PCDHB5: variants seen among roughly 807,000 people sequenced by gnomAD.
PCDHB5 encodes the protein protocadherin beta 5, also known as protocadherin beta-5.
For synonymous variants in PCDHB5, 569 were observed against 462.2 expected (o/e 1.23, Z -2.96); for missense variants, 1,125 against 1,029.4 (o/e 1.09, Z -1.27).
chr5:141,136,809 G>C lies in PCDHB5; in HGVS notation c.1375G>C (p.Val459Leu), dbSNP rs781824741. Reference sequence around the variant, plus strand: ...CACCCAAACCTCCTACACCCTGTTCGTCCGAGAGAACAACAGCCCCGCCCT... The same window carrying C: ...CACCCAAACCTCCTACACCCTGTTCCTCCGAGAGAACAACAGCCCCGCCCT... ...AFTQTSYTLF[V>L]RENNSPALHI... Residue 459 changes from valine to leucine, a missense_variant, in exon 1 of 1, where the codon GTC becomes CTC. Coordinates refer to ENST00000231134, the MANE Select transcript of PCDHB5 (RefSeq NM_015669.5). 2.9e-5 allele frequency: 47 copies of C among 1,613,520 alleles called. No individual in the cohort carries two copies. The highest frequency in any genetic ancestry group is 3.6e-5 in the Non-Finnish European group (43 of 1,180,030).
In PCDHB5 at chr5:141,137,854, T is replaced by C. The variant is rs782125654; in HGVS notation, c.*32T>C. ...CGTGATGACGCGTTGTTTTCTGCCA[T>C]TTATCCCAAACTTTTTCAGATCTAG... On this transcript the variant is annotated 3_prime_UTR_variant, in exon 1 of 1. Coordinates refer to ENST00000231134, the MANE Select transcript of PCDHB5 (RefSeq NM_015669.5). 2 of 1,526,702 alleles carry C rather than the reference T, an allele frequency of 1.3e-6. No homozygotes were observed. The highest frequency in any genetic ancestry group is 4.2e-5 in the Admixed American group (2 of 47,476). The allele number at this position is 1,526,702 out of a possible 1,614,324, so 94.6% of individuals were successfully genotyped here. A position where few individuals can be genotyped will look rare whatever the true frequency, so the allele number is the denominator to read the frequency against.
In PCDHB5 at chr5:141,136,253, A is replaced by C; in HGVS notation, c.819A>C (p.Ala273=). ...VVSARDLDAG[A]YGSVAYALFQ... Reference sequence around the variant, plus strand: ...CCGCTCGAGATTTAGATGCAGGAGCATATGGGAGTGTAGCCTATGCTCTAT... The same window carrying C: ...CCGCTCGAGATTTAGATGCAGGAGCCTATGGGAGTGTAGCCTATGCTCTAT... The change falls in exon 1 of 1, where the codon GCA becomes GCC. Residue 273 remains alanine (A), a synonymous_variant. Coordinates refer to ENST00000231134, the MANE Select transcript of PCDHB5 (RefSeq NM_015669.5). 1 of 1,614,216 alleles carries C rather than the reference A, an allele frequency of 6.2e-7. No homozygotes were observed. Among genetic ancestry groups the C allele is most frequent in the Non-Finnish European group, 8.5e-7 (1 of 1,180,014 alleles).
chr5:141,136,224 G>A lies in PCDHB5; in HGVS notation c.790G>A (p.Val264Ile). 2.5e-6 allele frequency: 4 copies of A among 1,614,100 alleles called. No homozygotes were observed. Among genetic ancestry groups the A allele is most frequent in the Non-Finnish European group, 3.4e-6 (4 of 1,179,984 alleles). The change falls in exon 1 of 1, where the codon GTC becomes ATC. Residue 264 changes from valine (V) to isoleucine (I), a missense_variant. Coordinates refer to ENST00000231134, the MANE Select transcript of PCDHB5 (RefSeq NM_015669.5). ...NSPLNSLVVVVSARDLDAGAY... is the reference protein window; with the variant it reads ...NSPLNSLVVVISARDLDAGAY... ...CCCCCTTAACTCCTTAGTTGTCGTTGTCTCCGCTCGAGATTTAGATGCAGG... is the reference window on the plus strand; with the variant it reads ...CCCCCTTAACTCCTTAGTTGTCGTTATCTCCGCTCGAGATTTAGATGCAGG...
At position 141,137,543 on chromosome 5, in the gene PCDHB5, G is replaced by A. The variant is rs1326631392; in HGVS notation, c.2109G>A (p.Ser703=). Residue 703 remains serine, a synonymous_variant, in exon 1 of 1, where the codon TCG becomes TCA. Coordinates refer to ENST00000231134, the MANE Select transcript of PCDHB5 (RefSeq NM_015669.5). ...LASVSSLFLF[S]VLLFVAVRLC... ...CGGTGTCGTCGCTCTTCCTCTTTTC[G>A]GTGCTCCTGTTCGTGGCAGTGCGGC... The A allele has an allele frequency of 1.9e-6, 3 of 1,612,360 alleles. No homozygotes were observed. The highest frequency in any genetic ancestry group is 2.7e-5 in the African/African-American group (2 of 74,898).
rs1554275727 is a variant in PCDHB5 at position 141,135,692 on chromosome 5, A to G, written c.258A>G (p.Leu86=). The G allele has an allele frequency of 6.2e-7, 1 of 1,614,036 alleles. No homozygotes were observed. Among genetic ancestry groups the G allele is most frequent in the East Asian group, 2.2e-5 (1 of 44,882 alleles). The stretch of plus-strand genomic sequence containing the variant: ...ATATAAAGACCGGCAATTTGCTTCT[A>G]TATGAAAAACTAGACCGGGAGGTGA... The part of the protein sequence containing the change: ...QLDIKTGNLL[L]YEKLDREVMC... Residue 86 remains leucine, a synonymous_variant, in exon 1 of 1, where the codon CTA becomes CTG. Coordinates refer to ENST00000231134, the MANE Select transcript of PCDHB5 (RefSeq NM_015669.5).
rs1029353919 is a variant in PCDHB5, at chr5:141,135,280, C to A, written c.-155C>A. The A allele has an allele frequency of 6.8e-6, 4 of 586,232 alleles. No individual in the cohort carries two copies. Among genetic ancestry groups the A allele is most frequent in the Non-Finnish European group, 1.2e-5 (4 of 336,748 alleles). 36.3% of individuals were successfully genotyped at this position (586,232 alleles called of 1,614,324 possible). A position where few individuals can be genotyped will look rare whatever the true frequency, so the allele number is the denominator to read the frequency against. The stretch of plus-strand genomic sequence containing the variant: ...GGGAATCCAAACTCTAAAAGAAGGA[C>A]GCATTTTAGGTAAGATCTAGTGGCT... On this transcript the variant is annotated 5_prime_UTR_variant, in exon 1 of 1. Transcript: ENST00000231134.
chr5:141,137,619 G>A lies in PCDHB5; in HGVS notation c.2185G>A (p.Gly729Ser), dbSNP rs1752627334. ...GGTCGGTCGCTGCTCGGTGCCCGAG[G>A]GCCCCTTTCCAGGGCATCTGGTGGA... is the stretch of plus-strand genomic sequence containing the variant. ...APVGRCSVPE[G>S]PFPGHLVDVS... Residue 729 changes from glycine to serine, a missense_variant, in exon 1 of 1, where the codon GGC becomes AGC. By Grantham distance (56) the Gly-to-Ser change is moderately conservative (BLOSUM62 0). Coordinates refer to ENST00000231134, the MANE Select transcript of PCDHB5 (RefSeq NM_015669.5). 5 of 1,613,744 alleles carry A rather than the reference G, an allele frequency of 3.1e-6. No homozygotes were observed. The highest frequency in any genetic ancestry group is 4.2e-6 in the Non-Finnish European group (5 of 1,180,034).
Position 141,137,923 on chromosome 5 carries a change from CT to C in PCDHB5, c.*105del. The C allele has an allele frequency of 9.3e-7, 1 of 1,071,270 alleles. No individual in the cohort carries two copies. The highest frequency in any genetic ancestry group is 1.4e-6 in the Non-Finnish European group (1 of 736,796). 66.4% of individuals were successfully genotyped at this position (1,071,270 alleles called of 1,614,324 possible). ...ACAAAAATTTCACCTTGAGATTGAG[CT>C]TTTATTTCCCTTTTTAATGGATTTG... On this transcript the variant is annotated 3_prime_UTR_variant, in exon 1 of 1. Transcript: ENST00000231134.
Position 141,135,632 on chromosome 5 carries a change from G to T in PCDHB5, c.198G>T (p.Met66Ile), listed in dbSNP as rs1752550935. The change falls in exon 1 of 1, where the codon ATG becomes ATT. Residue 66 changes from methionine (M) to isoleucine (I), a missense_variant. Met to Ile is a conservative substitution (Grantham distance 10). Coordinates refer to ENST00000231134, the MANE Select transcript of PCDHB5 (RefSeq NM_015669.5). ...VGELATRGAR[M>I]HYKGNKELLQ... ...AACTGGCCACTCGGGGCGCGCGAATGCATTACAAAGGAAACAAAGAGCTCT... is the reference window on the plus strand; with the variant it reads ...AACTGGCCACTCGGGGCGCGCGAATTCATTACAAAGGAAACAAAGAGCTCT... 1.9e-6 allele frequency: 3 copies of T among 1,613,998 alleles called. No individual in the cohort carries two copies. The highest frequency in any genetic ancestry group is 1.1e-5 in the South Asian group (1 of 91,060).
chr5:141,137,159 G>A lies in PCDHB5; in HGVS notation c.1725G>A (p.Val575=). 6.2e-7 allele frequency: 1 copy of A among 1,610,652 alleles called. No homozygotes were observed. ...GCTCGGCGCCTTGCACCGAGCTGGT[G>A]CCCCGGGCGGCCGAGCCGGGCTACC... is the stretch of plus-strand genomic sequence containing the variant. ...QNGSAPCTEL[V]PRAAEPGYLV... Residue 575 remains valine, a synonymous_variant, in exon 1 of 1, where the codon GTG becomes GTA. Transcript: ENST00000231134.
At position 141,136,887 on chromosome 5, in the gene PCDHB5, G is replaced by C. The variant is rs1554276036; in HGVS notation, c.1453G>C (p.Val485Leu). The C allele has an allele frequency of 1.2e-6, 2 of 1,612,692 alleles. No individual in the cohort carries two copies. Among genetic ancestry groups the C allele is most frequent in the Non-Finnish European group, 1.7e-6 (2 of 1,180,028 alleles). The change falls in exon 1 of 1, where the codon GTC becomes CTC. Residue 485 changes from valine to leucine, a missense_variant. Coordinates refer to ENST00000231134, the MANE Select transcript of PCDHB5 (RefSeq NM_015669.5). ...CAGAGACTCAGGCACCAACGCCCAG[G>C]TCACCTACTCGCTGCTGCCGCCCCA... is the stretch of plus-strand genomic sequence containing the variant. ...TDRDSGTNAQ[V>L]TYSLLPPQNP...
At position 141,135,531 on chromosome 5, in the gene PCDHB5, T is replaced by G. The variant is rs1588324029; in HGVS notation, c.97T>G (p.Tyr33Asp). The change falls in exon 1 of 1, where the codon TAT becomes GAT. Residue 33 changes from tyrosine to aspartate, a missense_variant. Tyr to Asp is a radical substitution (Grantham distance 160, BLOSUM62 -3). Coordinates refer to ENST00000231134, the MANE Select transcript of PCDHB5 (RefSeq NM_015669.5). The stretch of plus-strand genomic sequence containing the variant: ...GGAGGCTGGCTCTGAGGCAGTTAGG[T>G]ATTCCATACCAGAAGAAACAGAAAG... The part of the protein sequence containing the change: ...LWEAGSEAVR[Y>D]SIPEETESGY... 6.2e-7 allele frequency: 1 copy of G among 1,614,096 alleles called. No homozygotes were observed. Among genetic ancestry groups the G allele is most frequent in the Non-Finnish European group, 8.5e-7 (1 of 1,180,010 alleles).
In PCDHB5 at chr5:141,137,644, A is replaced by G. The variant is rs782357138; in HGVS notation, c.2210A>G (p.Asp737Gly). 1.2e-6 allele frequency: 2 copies of G among 1,613,864 alleles called. No individual in the cohort carries two copies. The highest frequency in any genetic ancestry group is 4.5e-5 in the East Asian group (2 of 44,874). Reference sequence around the variant, plus strand: ...GGCCCCTTTCCAGGGCATCTGGTGGACGTGAGCGGCACCGGGACCCTATCC... The same window carrying G: ...GGCCCCTTTCCAGGGCATCTGGTGGGCGTGAGCGGCACCGGGACCCTATCC... ...PEGPFPGHLV[D>G]VSGTGTLSQS... The change falls in exon 1 of 1, where the codon GAC (aspartate) becomes GGC (glycine). Residue 737 changes from aspartate to glycine, a missense_variant. By Grantham distance (94) the Asp-to-Gly change is moderately conservative (BLOSUM62 -1). Coordinates refer to ENST00000231134, the MANE Select transcript of PCDHB5 (RefSeq NM_015669.5).
In PCDHB5 at chr5:141,137,462, C is replaced by A. The variant is rs17844425; in HGVS notation, c.2028C>A (p.Ala676=). 6.6e-5 allele frequency: 107 copies of A among 1,612,574 alleles called. No individual in the cohort carries two copies. The East Asian group carries it at 1.9e-3, about 29-fold the overall frequency. Residue 676 remains alanine, a synonymous_variant, in exon 1 of 1, where the codon GCC becomes GCA. Transcript: ENST00000231134. ...SQPYLPLPEA[A]PAQAQADSLT... Reference sequence around the variant, plus strand: ...CCTACCTGCCGCTGCCGGAGGCGGCCCCGGCCCAGGCCCAGGCCGACTCGC... The same window carrying A: ...CCTACCTGCCGCTGCCGGAGGCGGCACCGGCCCAGGCCCAGGCCGACTCGC...
chr5:141,136,286 C>A lies in PCDHB5; in HGVS notation c.852C>A (p.Gly284=), dbSNP rs782505661. ...YGSVAYALFQ[G]DEVTQPFVID... ...GTGTAGCCTATGCTCTATTCCAAGG[C>A]GATGAAGTTACTCAACCATTTGTAA... The change falls in exon 1 of 1, where the codon GGC becomes GGA. Residue 284 remains glycine, a synonymous_variant. Transcript: ENST00000231134. 24 of 1,614,096 alleles carry A rather than the reference C, an allele frequency of 1.5e-5. No homozygotes were observed. In the South Asian group the frequency reaches 2.5e-4, roughly 17 times the overall value.
chr5:141,137,953 G>A lies in PCDHB5; in HGVS notation c.*131G>A. The A allele has an allele frequency of 1.2e-6, 1 of 843,394 alleles. No homozygotes were observed. Among genetic ancestry groups the A allele is most frequent in the Non-Finnish European group, 1.8e-6 (1 of 542,228 alleles). 52.2% of individuals were successfully genotyped at this position (843,394 alleles called of 1,614,324 possible). ...ATTTCCCTTTTTAATGGATTTGTCT[G>A]TTGAACTTCATGCTGTCCAAGTGTT... On this transcript the variant is annotated 3_prime_UTR_variant, in exon 1 of 1. Transcript: ENST00000231134.
chr5:141,137,081 G>A lies in PCDHB5; in HGVS notation c.1647G>A (p.Leu549=), dbSNP rs149096993. The part of the protein sequence containing the change: ...ALSSEALVRV[L]VLDANDNSPF... ...GCAGCGAGGCGCTGGTGCGCGTGCT[G>A]GTGCTGGACGCCAACGACAACTCGC... Residue 549 remains leucine, a synonymous_variant, in exon 1 of 1, where the codon CTG becomes CTA. Coordinates refer to ENST00000231134, the MANE Select transcript of PCDHB5 (RefSeq NM_015669.5). The A allele has an allele frequency of 1.6e-5, 25 of 1,611,668 alleles. No homozygotes were observed. Among genetic ancestry groups the A allele is most frequent in the Non-Finnish European group, 2.1e-5 (25 of 1,179,676 alleles).
In PCDHB5 at chr5:141,136,718, C is replaced by A; in HGVS notation, c.1284C>A (p.Pro428=). The part of the protein sequence containing the change: ...ITITVTDMGT[P]RLKTEHNITV... ...TCACTGTCACCGACATGGGGACACC[C>A]AGGCTGAAAACCGAGCACAACATAA... The change falls in exon 1 of 1, where the codon CCC becomes CCA. Residue 428 remains proline, a synonymous_variant. Coordinates refer to ENST00000231134, the MANE Select transcript of PCDHB5 (RefSeq NM_015669.5). The A allele has an allele frequency of 3.7e-6, 6 of 1,614,158 alleles. No individual in the cohort carries two copies. The highest frequency in any genetic ancestry group is 5.1e-6 in the Non-Finnish European group (6 of 1,180,026).
At position 141,137,104 on chromosome 5, in the gene PCDHB5, C is replaced by T; in HGVS notation, c.1670C>T (p.Ser557Leu). The T allele has an allele frequency of 6.2e-7, 1 of 1,611,618 alleles. No individual in the cohort carries two copies. Among genetic ancestry groups the T allele is most frequent in the Non-Finnish European group, 8.5e-7 (1 of 1,179,666 alleles). The part of the protein sequence containing the change: ...RVLVLDANDN[S>L]PFVLYPLQNG... The stretch of plus-strand genomic sequence containing the variant: ...CTGGTGCTGGACGCCAACGACAACT[C>T]GCCCTTCGTGCTGTATCCGCTGCAG... The change falls in exon 1 of 1, where the codon TCG (serine) becomes TTG (leucine). Residue 557 changes from serine to leucine, a missense_variant. Ser to Leu is a moderately radical substitution (Grantham distance 145, BLOSUM62 -2). Transcript: ENST00000231134.
Sources: allele counts gnomAD v4.1 joint callset, GRCh38; gene constraint gnomAD v4.1.1; transcripts MANE v1.5; gene names NCBI Gene and HGNC (gene_info 2026-07-23, HGNC 2026-07-21).